The following DPP6 variants were observed in gnomAD, a reference collection of about 807,000 sequenced individuals.
The protein encoded by DPP6 is A-type potassium channel modulatory protein DPP6.
DPP6 carries 69 observed loss-of-function variants against 122.6 expected under a neutral mutation model. The ratio of observed to expected loss-of-function variants is 0.56; its 90% confidence interval spans 0.46 to 0.69. The LOEUF (loss-of-function observed/expected upper bound fraction) is 0.69. Ranked by LOEUF, DPP6 falls within the 30% of genes least tolerant of loss-of-function variation. DPP6 has a pLI of 0.00. For missense variants in DPP6, 928 were observed against 1,116.9 expected, an observed-to-expected ratio of 0.83 and a Z score of 2.41; for synonymous variants, 418 against 433.1, an observed-to-expected ratio of 0.97 and a Z score of 0.43.
chr7:154,515,932 A>G (rs550760291), intron 3 of DPP6, among the ~76,000 whole-genome samples: 12 of 152,314 alleles, frequency 7.9e-5, no homozygotes, highest in African/African-American at 2.6e-4. Context: ...GTGCCTAAAC[A>G]GTGAGAACGA....
chr7:154,351,081 TG>T (rs1810812380), intron 1 of DPP6, among the ~76,000 whole-genome samples: 1 of 152,204 alleles, frequency 6.6e-6, no homozygotes, highest in South Asian at 2.1e-4. Context: ...GTTAGGAGCA[TG>T]TGACGGGGGC....
intron 6 of DPP6, among the ~76,000 whole-genome samples, chr7:154,647,574 G>A (rs1033912870): frequency 1.3e-5 from 2 of 152,164 alleles, no homozygotes; most frequent in Non-Finnish European, 2.9e-5. Context: ...GGTTGTGATT[G>A]TTCCTGAGCC....
chr7:154,333,446 C>G (rs1256017948), intron 1 of DPP6, among the ~76,000 whole-genome samples: 1 of 152,190 alleles, frequency 6.6e-6, no homozygotes, highest in Non-Finnish European at 1.5e-5. Flanking sequence ...AAATCGTGAA[C>G]TGCTAGCACT....
intron 1 of DPP6, among the ~76,000 whole-genome samples, chr7:153,972,728 C>A (rs897533545): frequency 6.0e-5 from 9 of 150,800 alleles, no homozygotes; most frequent in Non-Finnish European, 1.3e-4. Context: ...CCAATCAAGG[C>A]ACATGGTAGC....
intron 1 of DPP6, among the ~76,000 whole-genome samples, chr7:154,167,815 A>G (rs1428424449): frequency 6.6e-6 from 1 of 152,216 alleles, no homozygotes; most frequent in Non-Finnish European, 1.5e-5. Context: ...AAACCCTACA[A>G]ACTGCTCAGC....
chr7:154,734,312 G>A (rs1332023000), intron 8 of DPP6, among the ~76,000 whole-genome samples: 1 of 152,198 alleles, frequency 6.6e-6, no homozygotes, highest in Admixed American at 6.5e-5. Flanking sequence ...CATACATTTG[G>A]AGACTGATAT....
intron 1 of DPP6, among the ~76,000 whole-genome samples, chr7:153,909,153 A>C (rs573554774): frequency 6.6e-6 from 1 of 152,284 alleles, no homozygotes; most frequent in African/African-American, 2.4e-5. Flanking sequence ...TTTGTCCCCA[A>C]AAGATTTACT....
chr7:153,800,495 T>C, the DPP6 span, among the ~76,000 whole-genome samples: 1 of 152,182 alleles, frequency 6.6e-6, no homozygotes, highest in African/African-American at 2.4e-5. Context: ...TACATTCTAA[T>C]GTTCAACAGC....
chr7:154,846,195 A>G (rs1801930864), intron 16 of DPP6, among the ~76,000 whole-genome samples: 1 of 149,628 alleles, frequency 6.7e-6, no homozygotes, highest in Non-Finnish European at 1.5e-5. Context: ...TATATAATGT[A>G]TATATAAATA....
chr7:154,177,056 A>G (rs1254258564), intron 1 of DPP6, among the ~76,000 whole-genome samples: 1 of 150,346 alleles, frequency 6.7e-6, no homozygotes, highest in East Asian at 2.0e-4. Context: ...CTGGTCTTGA[A>G]CTCCTGGGCT....
intron 1 of DPP6, among the ~76,000 whole-genome samples, chr7:153,889,839 C>T (rs935858378): frequency 6.6e-6 from 1 of 152,220 alleles, no homozygotes; most frequent in African/African-American, 2.4e-5. Flanking sequence ...TGCACACTTA[C>T]TCAAACTTTG....
At chr7:154,070,129 C>T (rs1262420864) in intron 1 of DPP6, among the ~76,000 whole-genome samples, 1 of 151,038 alleles carries the variant, frequency 6.6e-6, no homozygotes, top group East Asian at 1.9e-4. Flanking sequence ...GTGCCGTTCA[C>T]TGTGTACTAT....
chr7:154,179,513 A>G (rs1164008015), intron 1 of DPP6, among the ~76,000 whole-genome samples: 8 of 152,168 alleles, frequency 5.3e-5, no homozygotes, highest in Admixed American at 6.5e-5. Context: ...CAAAGCAGTG[A>G]TTGTGATTTC....
chr7:154,721,606 A>T (rs550472827), intron 7 of DPP6, among the ~76,000 whole-genome samples: 1 of 152,224 alleles, frequency 6.6e-6, no homozygotes, highest in South Asian at 2.1e-4. Flanking sequence ...TTTAGCTGTG[A>T]CACCAAAAGC....
rs536391242 is a variant in DPP6, at chr7:154,092,927, T to C, written c.243+39864T>C. On this transcript the variant is annotated intron_variant, in intron 1 of 25. Coordinates refer to ENST00000377770, the MANE Select transcript of DPP6 (RefSeq NM_130797.4). ...CCCATCAGTTGGCATTCTACAAAAA[T>C]ATGGAGCCGTCGTGAGCTTGCGTCT... 3.3e-5 allele frequency: 5 copies of C among 152,194 alleles called. No homozygotes were observed. The South Asian group carries it at 1.0e-3, about 32-fold the overall frequency. The allele number at this position is 152,194 out of a possible 1,614,324, so 9.4% of individuals were successfully genotyped here. A position where few individuals can be genotyped will look rare whatever the true frequency, so the allele number is the denominator to read the frequency against.
intron 1 of DPP6, among the ~76,000 whole-genome samples, chr7:154,417,164 G>C (rs571736004): frequency 6.6e-6 from 1 of 152,224 alleles, no homozygotes; most frequent in South Asian, 2.1e-4. Context: ...CTTGACTTTC[G>C]GGTGATCTCA....
chr7:153,914,049 T>A (rs751051008), intron 1 of DPP6, among the ~76,000 whole-genome samples: 14 of 152,200 alleles, frequency 9.2e-5, no homozygotes, highest in Non-Finnish European at 1.9e-4. Context: ...AAATCTCATC[T>A]TGAATTGTAG....
the DPP6 span, among the ~76,000 whole-genome samples, chr7:153,761,709 T>G: frequency 5.3e-5 from 8 of 152,342 alleles, no homozygotes; most frequent in East Asian, 1.5e-3. Flanking sequence ...TATTCAATCT[T>G]TTATTCAGCA....
chr7:154,272,264 G>T (rs982092667), intron 1 of DPP6, among the ~76,000 whole-genome samples: 3 of 152,144 alleles, frequency 2.0e-5, no homozygotes, highest in African/African-American at 7.2e-5. Context: ...TTAATTAAAT[G>T]GAATATTCAT....
Sources: allele counts gnomAD v4.1 joint callset (sites outside exome capture counted in the v4.1 genomes callset), GRCh38; gene constraint gnomAD v4.1.1; transcripts MANE v1.5; gene names NCBI Gene and HGNC (gene_info 2026-07-23, HGNC 2026-07-21).